Variants in CBFA2T3 observed in about 807,000 individuals in gnomAD.
CBFA2T3 encodes transcriptional corepressor CBFA2T3.
A neutral mutation model predicts 58.6 loss-of-function variants in CBFA2T3; 31 were observed. The ratio of observed to expected loss-of-function variants is 0.53; its 90% CI spans 0.40 to 0.71. The LOEUF (loss-of-function observed/expected upper bound fraction) is 0.71. Ranked by LOEUF, CBFA2T3 falls within the 30% of genes least tolerant of loss-of-function variation. The pLI, the probability that CBFA2T3 is intolerant of heterozygous loss-of-function variation, is 0.00. For missense variants in CBFA2T3, 1,076 were observed against 963.1 expected (o/e 1.12, Z -1.55); for synonymous variants, 531 against 421.9 (o/e 1.26, Z -3.17).
chr16:88,894,131 ACCC>A (rs146727546), intron 3 of CBFA2T3, among the ~76,000 whole-genome samples: 214 of 148,658 alleles, frequency 1.4e-3, no homozygotes, highest in Non-Finnish European at 2.7e-3. Context: ...GCCTCCACTC[ACCC>A]CCCACCACCC....
chr16:88,892,206 G>C, intron 4 of CBFA2T3, 38 bp downstream of exon 4: 3 of 1,588,364 alleles, frequency 1.9e-6, no homozygotes, highest in Non-Finnish European at 2.6e-6. Context: ...GAGGGAATAT[G>C]CATGTCCCAA....
intron 1 of CBFA2T3, among the ~76,000 whole-genome samples, chr16:88,920,037 AT>A (rs1298788323): frequency 4.6e-5 from 7 of 152,212 alleles, no homozygotes; most frequent in African/African-American, 1.7e-4. Flanking sequence ...CTGCTCAAGG[AT>A]TCAACCCGCT....
At chr16:88,920,145 C>T (rs1418608643) in intron 1 of CBFA2T3, among the ~76,000 whole-genome samples, 3 of 152,208 alleles carry the variant, frequency 2.0e-5, no homozygotes, top group African/African-American at 7.2e-5. Flanking sequence ...ACCAGGGACT[C>T]GCAAGTCAGC....
At chr16:88,938,803 C>A (rs989802688) in intron 1 of CBFA2T3, 1 of 152,266 alleles carries the variant, frequency 6.6e-6, no homozygotes, top group Non-Finnish European at 1.5e-5. Context: ...CAAGCACCAT[C>A]CTTCCACCCT....
At chr16:88,912,258 T>C (rs1325957255) in intron 1 of CBFA2T3, among the ~76,000 whole-genome samples, 1 of 152,224 alleles carries the variant, frequency 6.6e-6, no homozygotes, top group African/African-American at 2.4e-5. Context: ...GAAGGCTCTC[T>C]GGATAGCTGC....
rs2142857163 is a variant in CBFA2T3 at position 88,958,319 on chromosome 16, A to C, written c.151+18338T>G. On this transcript the variant is annotated intron_variant, in intron 1 of 11. Transcript: ENST00000268679. The surrounding 1 kb of genome is among the most constrained non-coding windows in gnomAD (Gnocchi z 4.0). ...CTATTTTGAGCCTAAAATAGCTTCA[A>C]GAGCCCAAAGCTCCCAGGGAGAAGT... 6.6e-6 allele frequency among the ~76,000 whole-genome samples: 1 copy of C among 152,340 alleles called. No individual in the cohort carries two copies. The highest frequency in any genetic ancestry group is 1.5e-5 in the Non-Finnish European group (1 of 68,028).
chr16:88,881,802 C>T (rs1018728042), intron 8 of CBFA2T3, among the ~76,000 whole-genome samples: 1 of 152,224 alleles, frequency 6.6e-6, no homozygotes, highest in Admixed American at 6.5e-5. Context: ...CCTGGGCTCC[C>T]CTTCCAAAAA....
In CBFA2T3 at chr16:88,885,827, C is replaced by A. The variant is rs1027134097; in HGVS notation, c.893+134G>T. 5.2e-6 allele frequency: 4 copies of A among 763,156 alleles called. No homozygotes were observed. The highest frequency in any genetic ancestry group is 2.6e-5 in the Admixed American group (1 of 38,742). The allele number at this position is 763,156 out of a possible 1,614,324, so 47.3% of individuals were successfully genotyped here. A position where few individuals can be genotyped will look rare whatever the true frequency, so the allele number is the denominator to read the frequency against. On this transcript the variant is annotated intron_variant, in intron 6 of 11. Coordinates refer to ENST00000268679, the MANE Select transcript of CBFA2T3 (RefSeq NM_005187.6). The surrounding 1 kb of genome is among the most constrained non-coding windows in gnomAD (Gnocchi z 5.3). ...CTGCTGGCCCTAGTACACCTCGCCA[C>A]GCTCCCTCAGCCCGAGAGAGCCGGC...
At position 88,885,678 on chromosome 16, in the gene CBFA2T3, G is replaced by A. The variant is rs975859102; in HGVS notation, c.893+283C>T. ...TGGGGACCATGGACCCCGGACGCTCGGAGTCCATGCCCGGCACACAGGGGA... is the reference window on the plus strand; with the variant it reads ...TGGGGACCATGGACCCCGGACGCTCAGAGTCCATGCCCGGCACACAGGGGA... On this transcript the variant is annotated intron_variant, in intron 6 of 11. Coordinates refer to ENST00000268679, the MANE Select transcript of CBFA2T3 (RefSeq NM_005187.6). This position sits in a 1 kb window ranked among gnomAD's most constrained non-coding sequence, Gnocchi z 5.3. 2.3e-5 allele frequency: 11 copies of A among 470,204 alleles called. No individual in the cohort carries two copies. Among genetic ancestry groups the A allele is most frequent in the South Asian group, 2.8e-5 (1 of 35,202 alleles). 29.1% of individuals were successfully genotyped at this position (470,204 alleles called of 1,614,324 possible). A position where few individuals can be genotyped will look rare whatever the true frequency, so the allele number is the denominator to read the frequency against.
intron 1 of CBFA2T3, among the ~76,000 whole-genome samples, chr16:88,948,885 C>T (rs572055933): frequency 3.3e-5 from 5 of 152,224 alleles, no homozygotes; most frequent in South Asian, 4.1e-4. Flanking sequence ...AGTTGGAAAT[C>T]GGAAGTGTCC....
intron 3 of CBFA2T3, among the ~76,000 whole-genome samples, chr16:88,897,799 T>C (rs1969945565): frequency 1.3e-5 from 2 of 152,142 alleles, no homozygotes; most frequent in Non-Finnish European, 2.9e-5. Flanking sequence ...CCATTGGCCA[T>C]GTTTTGCTGC....
Position 88,917,365 on chromosome 16 carries a change from C to T in CBFA2T3, c.152-15709G>A, listed in dbSNP as rs371089937. Among the ~76,000 whole-genome samples, 20 of 149,452 alleles carry T rather than the reference C, an allele frequency of 1.3e-4. No individual in the cohort carries two copies. The South Asian group carries it at 2.1e-3, about 16-fold the overall frequency. ...CACCGTGGGAGGGGAGGGCCTGCCCCGGGGAGGGCACAGAGGCTGGGATGC... is the reference window on the plus strand; with the variant it reads ...CACCGTGGGAGGGGAGGGCCTGCCCTGGGGAGGGCACAGAGGCTGGGATGC... On this transcript the variant is annotated intron_variant, in intron 1 of 11. Coordinates refer to ENST00000268679, the MANE Select transcript of CBFA2T3 (RefSeq NM_005187.6).
intron 3 of CBFA2T3, among the ~76,000 whole-genome samples, chr16:88,893,066 G>C (rs1325266483): frequency 6.6e-6 from 1 of 152,162 alleles, no homozygotes. Context: ...AGGCACAGGA[G>C]ACTTGGAAAA....
chr16:88,877,119 C>G lies in CBFA2T3; in HGVS notation c.1819G>C (p.Val607Leu), dbSNP rs1227761430. The change falls in exon 12 of 12, where the codon GTG (valine) becomes CTG (leucine). Residue 607 changes from valine to leucine, a missense_variant. Transcript: ENST00000268679. ...TGGGCGGCTTCGGGCGGTCCAGGCA[C>G]CGGGTCGGCCACCACGGCTGTGGGG... ...QGPTAVVADP[V>L]PGPPEAAHSL... The G allele has an allele frequency of 1.3e-6, 2 of 1,547,946 alleles. No homozygotes were observed. The highest frequency in any genetic ancestry group is 1.7e-6 in the Non-Finnish European group (2 of 1,146,318).
intron 1 of CBFA2T3, among the ~76,000 whole-genome samples, chr16:88,964,922 ATCC>A (rs1972458738): frequency 1.2e-5 from 1 of 86,054 alleles, no homozygotes; most frequent in East Asian, 2.1e-4. Flanking sequence ...CCATCCATCC[ATCC>A]ATCCATCCAT....
At chr16:88,939,909 AAGGGCAATGCC>A (rs962022154) in intron 1 of CBFA2T3, 6 of 152,396 alleles carry the variant, frequency 3.9e-5, no homozygotes, top group African/African-American at 1.4e-4. Flanking sequence ...CAGAAACTTG[AAGGGCAATGCC>A]AGGTACCGAA....
intron 1 of CBFA2T3, among the ~76,000 whole-genome samples, chr16:88,911,790 C>G (rs565831518): frequency 6.6e-6 from 1 of 152,400 alleles, no homozygotes; most frequent in South Asian, 2.1e-4. Context: ...GTCTTTGGCA[C>G]TGTGCCCAGA....
In CBFA2T3 at chr16:88,882,448, C is replaced by T. The variant is rs149834820; in HGVS notation, c.1203+228G>A. 4.6e-3 allele frequency among the ~76,000 whole-genome samples: 636 copies of T among 139,562 alleles called. 2 individuals are homozygous for T. The highest frequency in any genetic ancestry group is 0.016 in the African/African-American group (598 of 37,126). The allele number at this position is 139,562 out of a possible 152,430, so 91.6% of individuals were successfully genotyped here. On this transcript the variant is annotated intron_variant, in intron 8 of 11. Transcript: ENST00000268679. ...GGCTGTGTGTGGGTGTGGCTGTGTG[C>T]GTGGGCGTGGCTGTGTGCGTGGGGG... is the stretch of plus-strand genomic sequence containing the variant.
At chr16:88,963,436 T>C (rs1597794976) in intron 1 of CBFA2T3, among the ~76,000 whole-genome samples, 1 of 151,902 alleles carries the variant, frequency 6.6e-6, no homozygotes, top group East Asian at 1.9e-4. Context: ...CACAATTCAG[T>C]GGTATTTAGT....
Sources: allele counts gnomAD v4.1 joint callset (sites outside exome capture counted in the v4.1 genomes callset), GRCh38; gene constraint gnomAD v4.1.1; non-coding constraint Gnocchi (gnomAD v3.1); transcripts MANE v1.5; gene names NCBI Gene and HGNC (gene_info 2026-07-23, HGNC 2026-07-21).